PPFIBP2: variants seen among roughly 807,000 people sequenced by gnomAD.
PPFIBP2 encodes the protein PPFIB scaffold protein 2, also known as liprin-beta-2.
PPFIBP2 carries 118 observed loss-of-function variants against 118.3 expected under a neutral mutation model. The ratio of observed to expected loss-of-function variants is 1.00; its 90% CI spans 0.86 to 1.16. The LOEUF is 1.16. PPFIBP2 is among the 50% of genes most tolerant of loss of function. The pLI is 0.00. For synonymous variants in PPFIBP2, 414 were observed against 397.4 expected, an observed-to-expected ratio of 1.04 and a Z score of -0.50; for missense variants, 1,195 against 1,073.1, an observed-to-expected ratio of 1.11 and a Z score of -1.59.
At chr11:7,662,907 A>C in the PPFIBP2 span, among the ~76,000 whole-genome samples, 2 of 137,592 alleles carry the variant, frequency 1.5e-5, no homozygotes, top group Non-Finnish European at 3.3e-5. Flanking sequence ...TTCATCTTCC[A>C]TCACTGATAC....
chr11:7,527,801 T>C (rs1850358174), intron 1 of PPFIBP2, among the ~76,000 whole-genome samples: 1 of 151,978 alleles, frequency 6.6e-6, no homozygotes, highest in Admixed American at 6.5e-5. Flanking sequence ...TAATGCCAAT[T>C]AAGGGGCACC....
At chr11:7,651,876 G>T in intron 23 of PPFIBP2, 32 bp downstream of exon 23, 1 of 1,581,764 alleles carries the variant, frequency 6.3e-7, no homozygotes, top group South Asian at 1.1e-5. Flanking sequence ...GGTGGGCCCT[G>T]GGCTGCCTCC....
chr11:7,651,200 A>G (rs778341875), intron 22 of PPFIBP2: 1 of 448,808 alleles, frequency 2.2e-6, no homozygotes, highest in Non-Finnish European at 4.0e-6. Flanking sequence ...TGAGGATTCT[A>G]GGTCGATGGG....
chr11:7,643,783 C>T (rs544482122), intron 17 of PPFIBP2, among the ~76,000 whole-genome samples: 211 of 152,262 alleles, frequency 1.4e-3, no homozygotes, highest in Non-Finnish European at 2.3e-3. Flanking sequence ...TGAAAGCCTC[C>T]AGCCCCAACC....
rs903519661 is a variant in PPFIBP2, at chr11:7,616,913, T to C, written c.619-4022T>C. ...TTGTTCGAACTGCAAGACAGGCATC[T>C]GGATGGGGCAGGCCTGAGGAAAAAT... On this transcript the variant is annotated intron_variant, in intron 6 of 23. Transcript: ENST00000299492. This position sits in a 1 kb window ranked among gnomAD's most constrained non-coding sequence, Gnocchi z 5.2. 6.6e-6 allele frequency among the ~76,000 whole-genome samples: 1 copy of C among 152,024 alleles called. No individual in the cohort carries two copies. Among genetic ancestry groups the C allele is most frequent in the African/African-American group, 2.4e-5 (1 of 41,400 alleles).
chr11:7,640,498 C>G (rs1394482820), intron 15 of PPFIBP2, among the ~76,000 whole-genome samples: 3 of 152,216 alleles, frequency 2.0e-5, no homozygotes, highest in African/African-American at 4.8e-5. Flanking sequence ...TTCAATGGCC[C>G]CGGAAGGGAA....
downstream of PPFIBP2, among the ~76,000 whole-genome samples, chr11:7,660,407 C>T (rs1379307609): frequency 9.1e-6 from 1 of 109,820 alleles, no homozygotes; most frequent in African/African-American, 2.9e-5. Flanking sequence ...TTGAGATAAT[C>T]GTGGTTTTTG....
At chr11:7,639,322 G>A (rs1851832280) in intron 14 of PPFIBP2, among the ~76,000 whole-genome samples, 1 of 152,208 alleles carries the variant, frequency 6.6e-6, no homozygotes, top group African/African-American at 2.4e-5. Context: ...ATATATGTAT[G>A]TATGTATGAT....
intron 3 of PPFIBP2, among the ~76,000 whole-genome samples, chr11:7,581,536 A>T (rs1857254579): frequency 6.6e-6 from 1 of 152,162 alleles, no homozygotes; most frequent in Non-Finnish European, 1.5e-5. Context: ...CTGGTGCTCA[A>T]ATGGTTGATC....
intron 1 of PPFIBP2, among the ~76,000 whole-genome samples, chr11:7,532,449 G>A (rs1034919494): frequency 2.6e-5 from 4 of 152,178 alleles, no homozygotes; most frequent in Non-Finnish European, 5.9e-5. Flanking sequence ...AGCATGGAGA[G>A]GCACTTACTA....
Position 7,648,911 on chromosome 11 carries a change from A to G in PPFIBP2, c.1909A>G (p.Arg637Gly). ...SALLDHIWVT[R>G]WLDDIGLPQY... ...ACTGCTAGACCACATTTGGGTGACA[A>G]GTAAGGATAGGCATATATGTATTAA... The change falls in exon 19 of 24, where the codon AGG (arginine) becomes GGG (glycine). Residue 637 changes from arginine to glycine, a missense_variant and splice_region_variant. By Grantham distance (125) the Arg-to-Gly change is moderately radical. Coordinates refer to ENST00000299492, the MANE Select transcript of PPFIBP2 (RefSeq NM_003621.5). 1 of 1,610,614 alleles carries G rather than the reference A, an allele frequency of 6.2e-7. No homozygotes were observed. The highest frequency in any genetic ancestry group is 1.1e-5 in the South Asian group (1 of 91,020).
chr11:7,636,833 C>T (rs769748190), intron 14 of PPFIBP2, among the ~76,000 whole-genome samples: 6 of 152,174 alleles, frequency 3.9e-5, no homozygotes, highest in Non-Finnish European at 7.4e-5. Flanking sequence ...CCACCCTCCC[C>T]TCTCACCCAC....
At chr11:7,661,527 T>G (rs879570929), downstream of PPFIBP2, among the ~76,000 whole-genome samples, 4 of 145,058 alleles carry the variant, frequency 2.8e-5, no homozygotes, top group Admixed American at 1.4e-4. Context: ...TTGTTATAAT[T>G]TCTGTTCTTT....
chr11:7,610,043 C>G (rs1212861570), intron 5 of PPFIBP2, among the ~76,000 whole-genome samples: 1 of 152,192 alleles, frequency 6.6e-6, no homozygotes. Context: ...TATGGGCAAA[C>G]ACATTTGAGA....
At chr11:7,656,230 T>C (rs2136075670), downstream of PPFIBP2, among the ~76,000 whole-genome samples, 2 of 152,260 alleles carry the variant, frequency 1.3e-5, no homozygotes, top group Middle Eastern at 6.8e-3. Context: ...CCCAAGGCCT[T>C]TTAGTTCTTG....
chr11:7,632,679 T>TG (rs1850926327), intron 11 of PPFIBP2, 188 bp from the exon 12 acceptor site: 1 of 529,338 alleles, frequency 1.9e-6, no homozygotes, highest in Admixed American at 2.9e-5. Flanking sequence ...CTGGCCCAGA[T>TG]GGACTGATAA....
intron 5 of PPFIBP2, among the ~76,000 whole-genome samples, 192 bp from the exon 6 acceptor site, chr11:7,610,099 G>A (rs549041611): frequency 6.6e-6 from 1 of 152,096 alleles, no homozygotes; most frequent in East Asian, 1.9e-4. Flanking sequence ...TGGTATTGGG[G>A]GTGCGCTATC....
At chr11:7,656,938 G>C (rs1854742387), downstream of PPFIBP2, 1 of 546,640 alleles carries the variant, frequency 1.8e-6, no homozygotes, top group African/African-American at 1.9e-5. Context: ...TGACAGGCAT[G>C]AAGCAGAGCT....
At chr11:7,538,569 T>G (rs1851452662) in intron 1 of PPFIBP2, among the ~76,000 whole-genome samples, 1 of 152,122 alleles carries the variant, frequency 6.6e-6, no homozygotes, top group Admixed American at 6.5e-5. Flanking sequence ...AGGAGGCTGG[T>G]GGTGGAGCAG....
Sources: allele counts gnomAD v4.1 joint callset (sites outside exome capture counted in the v4.1 genomes callset), GRCh38; gene constraint gnomAD v4.1.1; non-coding constraint Gnocchi (gnomAD v3.1); transcripts MANE v1.5; gene names NCBI Gene and HGNC (gene_info 2026-07-23, HGNC 2026-07-21).